Variants in HDAC9 observed in about 807,000 individuals in gnomAD.
HDAC9 encodes histone deacetylase 9.
A neutral mutation model predicts 139.4 loss-of-function variants in HDAC9; 41 were observed. The observed-to-expected ratio is 0.29, with a 90% CI of 0.23 to 0.38. HDAC9 has a LOEUF of 0.38. Ranked by LOEUF, HDAC9 falls within the 10% of genes least tolerant of loss-of-function variation. The pLI is 1.00. For missense variants in HDAC9, 1,147 were observed against 1,297.0 expected, an observed-to-expected ratio of 0.88 and a Z score of 1.78; for synonymous variants, 517 against 476.2, an observed-to-expected ratio of 1.09 and a Z score of -1.12.
intron 22 of HDAC9, among the ~76,000 whole-genome samples, chr7:18,931,231 A>G (rs1302999666): frequency 2.0e-5 from 3 of 152,134 alleles, no homozygotes; most frequent in Non-Finnish European, 2.9e-5. Flanking sequence ...GAACATTTCT[A>G]AGCATTAGGG....
chr7:18,457,403 A>AT (rs1346723623), intron 1 of HDAC9, among the ~76,000 whole-genome samples: 8 of 152,238 alleles, frequency 5.3e-5, no homozygotes, highest in Non-Finnish European at 1.0e-4. Context: ...CAGTGAATAT[A>AT]TTTGTGAAGA....
chr7:18,722,189 C>T (rs1230561107), intron 12 of HDAC9, among the ~76,000 whole-genome samples: 1 of 151,760 alleles, frequency 6.6e-6, no homozygotes, highest in Non-Finnish European at 1.5e-5. Context: ...GCAAAATAAC[C>T]CATCAAAACA....
intron 12 of HDAC9, among the ~76,000 whole-genome samples, chr7:18,696,947 AAGATATCTGTT>A (rs1248395548): frequency 2.0e-5 from 3 of 152,136 alleles, no homozygotes; most frequent in Non-Finnish European, 4.4e-5. Context: ...TATGATTGCA[AAGATATCTGTT>A]GGAGGTATTA....
At chr7:18,600,984 C>T (rs568423760) in intron 6 of HDAC9, among the ~76,000 whole-genome samples, 6 of 151,984 alleles carry the variant, frequency 3.9e-5, no homozygotes, top group African/African-American at 1.2e-4. Context: ...TTGTATTTTT[C>T]GTAGAGATGG....
chr7:18,706,193 C>G (rs1017051473), intron 12 of HDAC9, among the ~76,000 whole-genome samples: 4 of 49,596 alleles, frequency 8.1e-5, no homozygotes, highest in African/African-American at 2.3e-4. Context: ...TTGCTTTATT[C>G]TCCCTGAGCC....
chr7:18,310,107 A>G (rs1799202004), intron 1 of HDAC9, among the ~76,000 whole-genome samples: 1 of 139,500 alleles, frequency 7.2e-6, no homozygotes, highest in Non-Finnish European at 1.5e-5. Flanking sequence ...CAGATAGTGT[A>G]GAGACTTTCA....
At chr7:18,303,273 A>T (rs908242212) in intron 1 of HDAC9, among the ~76,000 whole-genome samples, 1 of 151,708 alleles carries the variant, frequency 6.6e-6, no homozygotes, top group African/African-American at 2.4e-5. Flanking sequence ...GCAGGAGTTT[A>T]GTGGCGCGAT....
intron 1 of HDAC9, among the ~76,000 whole-genome samples, chr7:18,301,956 A>C (rs995988492): frequency 2.0e-5 from 3 of 152,206 alleles, no homozygotes; most frequent in African/African-American, 7.2e-5. Flanking sequence ...GTGCATATGC[A>C]TTTGACCAAG....
At chr7:18,432,281 G>A (rs1289449912) in intron 1 of HDAC9, among the ~76,000 whole-genome samples, 2 of 152,064 alleles carry the variant, frequency 1.3e-5, no homozygotes, top group African/African-American at 4.8e-5. Flanking sequence ...TTTTAGCTCT[G>A]GGTACCCACT....
chr7:18,562,618 G>A (rs1039856876), intron 2 of HDAC9, among the ~76,000 whole-genome samples: 1 of 152,066 alleles, frequency 6.6e-6, no homozygotes, highest in South Asian at 2.1e-4. Flanking sequence ...CTGTACATCT[G>A]TCCTTCTGCC....
At chr7:18,347,038 G>A (rs1467633755) in intron 1 of HDAC9, among the ~76,000 whole-genome samples, 1 of 152,114 alleles carries the variant, frequency 6.6e-6, no homozygotes, top group Non-Finnish European at 1.5e-5. Flanking sequence ...TGGGATGGGG[G>A]TTTTAAAAGT....
At chr7:18,511,897 G>C (rs1801624511) in intron 2 of HDAC9, among the ~76,000 whole-genome samples, 1 of 151,612 alleles carries the variant, frequency 6.6e-6, no homozygotes, top group South Asian at 2.1e-4. Flanking sequence ...GATTCGAGTG[G>C]TTTTCATATG....
intron 13 of HDAC9, among the ~76,000 whole-genome samples, chr7:18,743,393 T>A (rs552659375): frequency 7.2e-4 from 110 of 152,318 alleles, no homozygotes; most frequent in African/African-American, 2.5e-3. Context: ...GTTTAGAAAA[T>A]GCTTCTTATC....
chr7:18,158,933 C>T (rs772729255), intron 1 of HDAC9, among the ~76,000 whole-genome samples: 6 of 152,164 alleles, frequency 3.9e-5, no homozygotes, highest in South Asian at 2.1e-4. Context: ...ACAGTAGTAA[C>T]GTACTTTCAG....
intron 12 of HDAC9, among the ~76,000 whole-genome samples, chr7:18,704,503 G>C (rs1783736426): frequency 6.6e-6 from 1 of 152,204 alleles, no homozygotes; most frequent in African/African-American, 2.4e-5. Context: ...TTAAGTGACT[G>C]ACATCTTCCC....
intron 12 of HDAC9, among the ~76,000 whole-genome samples, chr7:18,712,164 AT>A (rs1408643004): frequency 6.6e-6 from 1 of 152,148 alleles, no homozygotes; most frequent in Non-Finnish European, 1.5e-5. Context: ...AAATTTAAAT[AT>A]AATCACATTT....
At chr7:18,509,375 A>G in intron 2 of HDAC9, 1 of 985,446 alleles carries the variant, frequency 1.0e-6, no homozygotes, top group Non-Finnish European at 1.2e-6. Context: ...CTCTAGCCTC[A>G]AGAAGACTGA....
intron 21 of HDAC9, among the ~76,000 whole-genome samples, chr7:18,836,244 G>C (rs1012893762): frequency 6.6e-6 from 1 of 152,096 alleles, no homozygotes; most frequent in Non-Finnish European, 1.5e-5. Context: ...TTATTAAATA[G>C]TTCTCTCTGG....
intron 1 of HDAC9, among the ~76,000 whole-genome samples, chr7:18,357,811 C>G (rs1783441676): frequency 6.6e-6 from 1 of 152,086 alleles, no homozygotes; most frequent in Admixed American, 6.6e-5. Context: ...CTCAGTGTTT[C>G]ACTGTGAATC....
Sources: gnomAD v4.1 joint callset for allele counts (sites outside exome capture counted in the v4.1 genomes callset) on GRCh38, gnomAD v4.1.1 for gene constraint, MANE v1.5 for transcripts, NCBI Gene and HGNC (gene_info 2026-07-23, HGNC 2026-07-21) for gene names.